MECOM: variants seen among roughly 807,000 people sequenced by gnomAD.
MECOM encodes histone-lysine N-methyltransferase MECOM.
In MECOM, 13 loss-of-function variants were observed where a neutral mutation model predicts 116.3. That is an observed-to-expected ratio of 0.11 (90% CI 0.07 to 0.18). The LOEUF (loss-of-function observed/expected upper bound fraction) is 0.18. Among genes scored for constraint, MECOM ranks in the 10% least tolerant of loss-of-function variants. The pLI, the probability that MECOM is intolerant of heterozygous loss-of-function variation, is 1.00. For synonymous variants in MECOM, 528 were observed against 535.2 expected (o/e 0.99, Z 0.19); for missense variants, 1,299 against 1,509.0 (o/e 0.86, Z 2.31).
intron 1 of MECOM, among the ~76,000 whole-genome samples, chr3:169,491,276 C>T (rs1753060855): frequency 6.6e-6 from 1 of 152,148 alleles, no homozygotes; most frequent in African/African-American, 2.4e-5. Context: ...GAGACGATTG[C>T]TGACCAAAGT....
At position 169,468,116 on chromosome 3, in the gene MECOM, A is replaced by ATT. The variant is rs140006697; in HGVS notation, c.38-86594_38-86593dup. ...TGCTTCTTACTAACAAAACCCACTAATTTTTTTTTTCATCTGCCTATCACC... is the reference window on the plus strand; with the variant it reads ...TGCTTCTTACTAACAAAACCCACTAATTTTTTTTTTTTCATCTGCCTATCACC... On this transcript the variant is annotated intron_variant, in intron 1 of 16. Transcript: ENST00000651503. Among the ~76,000 whole-genome samples, 1,459 of 149,952 alleles carry ATT rather than the reference A, an allele frequency of 9.7e-3. 27 individuals carry two copies. The highest frequency in any genetic ancestry group is 0.034 in the African/African-American group (1,403 of 40,748).
intron 2 of MECOM, chr3:169,147,735 C>G: frequency 1.4e-6 from 1 of 739,388 alleles, no homozygotes; most frequent in Non-Finnish European, 1.6e-6. Context: ...TGTGTGTGTG[C>G]GCGCGAGTGT....
intron 2 of MECOM, among the ~76,000 whole-genome samples, chr3:169,303,405 C>T (rs1717116840): frequency 6.6e-6 from 1 of 152,128 alleles, no homozygotes; most frequent in South Asian, 2.1e-4. Flanking sequence ...TAAATGCCAA[C>T]TCTGTGCCTG....
At chr3:169,249,743 A>G (rs1756021364) in intron 2 of MECOM, among the ~76,000 whole-genome samples, 1 of 152,188 alleles carries the variant, frequency 6.6e-6, no homozygotes, top group African/African-American at 2.4e-5. Flanking sequence ...ATGCCACCCC[A>G]GTATTATGGG....
intron 2 of MECOM, among the ~76,000 whole-genome samples, chr3:169,363,134 G>A (rs757815432): frequency 5.9e-5 from 9 of 151,892 alleles, no homozygotes; most frequent in Non-Finnish European, 1.0e-4. Flanking sequence ...AAGGTGGAAA[G>A]ACTCTATTAG....
chr3:169,661,011 G>A (rs73032054), intron 1 of MECOM, among the ~76,000 whole-genome samples: 4,818 of 152,108 alleles, frequency 0.032, 236 homozygotes, highest in African/African-American at 0.11. Flanking sequence ...AAAATAAATG[G>A]GTCTCCCACC....
intron 2 of MECOM, among the ~76,000 whole-genome samples, chr3:169,356,856 T>C (rs558842170): frequency 1.3e-5 from 2 of 152,028 alleles, no homozygotes; most frequent in East Asian, 3.9e-4. Flanking sequence ...ATCAGGATCA[T>C]GCTAAGCTAT....
intron 2 of MECOM, among the ~76,000 whole-genome samples, chr3:169,317,041 A>G (rs1719873586): frequency 6.6e-6 from 1 of 152,232 alleles, no homozygotes; most frequent in Non-Finnish European, 1.5e-5. Flanking sequence ...ACTATTTCCC[A>G]GCGTGAGGGA....
intron 7 of MECOM, among the ~76,000 whole-genome samples, chr3:169,119,466 C>T (rs1373545316): frequency 1.3e-5 from 2 of 152,176 alleles, no homozygotes; most frequent in Non-Finnish European, 2.9e-5. Context: ...CACCCTATGG[C>T]ACTTTAAAGT....
intron 1 of MECOM, among the ~76,000 whole-genome samples, chr3:169,501,473 A>G (rs1754515142): frequency 6.6e-6 from 1 of 151,954 alleles, no homozygotes; most frequent in Non-Finnish European, 1.5e-5. Flanking sequence ...AAAACAAACA[A>G]GAAAACCAGA....
chr3:169,464,799 A>G (rs1748023112), intron 1 of MECOM, among the ~76,000 whole-genome samples: 1 of 152,094 alleles, frequency 6.6e-6, no homozygotes, highest in African/African-American at 2.4e-5. Context: ...CATGGTCATA[A>G]TCATCAGATC....
chr3:169,089,209 G>C, intron 15 of MECOM, 26 bp from the exon 16 acceptor site: 1 of 1,437,314 alleles, frequency 7.0e-7, no homozygotes, highest in East Asian at 2.5e-5. Context: ...GAAAAACACA[G>C]AAATTTTCTT....
At chr3:169,593,609 T>C (rs1429185502) in intron 1 of MECOM, among the ~76,000 whole-genome samples, 2 of 152,170 alleles carry the variant, frequency 1.3e-5, no homozygotes, top group African/African-American at 2.4e-5. Context: ...TCCAGGAATC[T>C]ATATTTCCAC....
chr3:169,438,174 T>C (rs1442988595), intron 1 of MECOM, among the ~76,000 whole-genome samples: 2 of 152,210 alleles, frequency 1.3e-5, no homozygotes, highest in African/African-American at 4.8e-5. Flanking sequence ...GCTTTATCCC[T>C]AAACTATACA....
chr3:169,263,378 T>C (rs2149622977), intron 2 of MECOM, among the ~76,000 whole-genome samples: 1 of 151,778 alleles, frequency 6.6e-6, no homozygotes, highest in South Asian at 2.1e-4. Flanking sequence ...TCTGCCCGCC[T>C]TGGCCTCCCA....
chr3:169,255,009 C>A (rs1756694117), intron 2 of MECOM, among the ~76,000 whole-genome samples: 1 of 152,070 alleles, frequency 6.6e-6, no homozygotes, highest in African/African-American at 2.4e-5. Flanking sequence ...TCTAAAGGAT[C>A]AGAGATCTAC....
intron 2 of MECOM, among the ~76,000 whole-genome samples, chr3:169,287,667 T>G (rs1713611950): frequency 6.6e-6 from 1 of 152,186 alleles, no homozygotes; most frequent in South Asian, 2.1e-4. Context: ...CCTAATTATT[T>G]GTACAATTAG....
At chr3:169,393,752 G>C (rs1381332164) in intron 1 of MECOM, among the ~76,000 whole-genome samples, 2 of 151,984 alleles carry the variant, frequency 1.3e-5, no homozygotes, top group Non-Finnish European at 2.9e-5. Flanking sequence ...ACAGACTATA[G>C]CTATGCTAAT....
At chr3:169,226,986 A>G (rs1405135218) in intron 2 of MECOM, among the ~76,000 whole-genome samples, 1 of 152,158 alleles carries the variant, frequency 6.6e-6, no homozygotes, top group Non-Finnish European at 1.5e-5. Context: ...GTCTAACTTC[A>G]CCCATCTTTA....
Sources: allele counts gnomAD v4.1 joint callset (sites outside exome capture counted in the v4.1 genomes callset), GRCh38; gene constraint gnomAD v4.1.1; transcripts MANE v1.5; gene names NCBI Gene and HGNC (gene_info 2026-07-23, HGNC 2026-07-21).